The following NSD1 variants were observed in gnomAD, a reference collection of about 807,000 sequenced individuals.
NSD1 encodes the protein histone-lysine N-methyltransferase, H3 lysine-36 specific.
NSD1 carries 26 observed loss-of-function variants against 242.7 expected under a neutral mutation model. The ratio of observed to expected loss-of-function variants is 0.11; its 90% CI spans 0.08 to 0.15. The LOEUF (loss-of-function observed/expected upper bound fraction) is 0.15. Ranked by LOEUF, NSD1 falls within the 10% of genes least tolerant of loss-of-function variation. The pLI is 1.00. For synonymous variants in NSD1, 1,106 were observed against 1,178.1 expected, an observed-to-expected ratio of 0.94 and a Z score of 1.25; for missense variants, 2,495 against 3,272.8, an observed-to-expected ratio of 0.76 and a Z score of 5.80.
At chr5:177,264,957 C>CTG in intron 14 of NSD1, 2 of 922,414 alleles carry the variant, frequency 2.2e-6, no homozygotes, top group Non-Finnish European at 3.6e-6. Flanking sequence ...CTGGAAGAGT[C>CTG]TACAGTGTTA....
At chr5:177,266,022 T>C in intron 14 of NSD1, 7 of 1,034,970 alleles carry the variant, frequency 6.8e-6, no homozygotes, top group East Asian at 2.4e-5. Context: ...ATGCAAGATA[T>C]ATCGAAGCCA....
chr5:177,265,818 A>G (rs969165486), intron 14 of NSD1: 5 of 1,396,052 alleles, frequency 3.6e-6, no homozygotes, highest in Non-Finnish European at 5.1e-6. Flanking sequence ...CAGTGCGTAA[A>G]CTCGATGTTG....
At chr5:177,146,286 A>G (rs1414062909) in intron 2 of NSD1, among the ~76,000 whole-genome samples, 1 of 147,912 alleles carries the variant, frequency 6.8e-6, no homozygotes, top group Admixed American at 6.8e-5. Flanking sequence ...GCTCACTGCA[A>G]CCTCCACCTC....
In NSD1 at chr5:177,210,313, C is replaced by G. The variant is rs1763234304; in HGVS notation, c.1914C>G (p.Ile638Met). The change falls in exon 5 of 23, where the codon ATC becomes ATG. Residue 638 changes from isoleucine (I) to methionine (M), a missense_variant. Around this residue, in one of 19 missense-constraint regions of NSD1, gnomAD observed 515 missense variants for 467.0 expected, o/e 1.10. Coordinates refer to ENST00000439151, the MANE Select transcript of NSD1 (RefSeq NM_022455.5). ...DEEKRSDSISICTTSDDGSSD... is the reference protein window; with the variant it reads ...DEEKRSDSISMCTTSDDGSSD... ...AAAAGCGAAGTGATTCCATTAGTATCTGTACCACTTCTGATGATGGAAGCA... is the reference window on the plus strand; with the variant it reads ...AAAAGCGAAGTGATTCCATTAGTATGTGTACCACTTCTGATGATGGAAGCA... 2 of 1,613,708 alleles carry G rather than the reference C, an allele frequency of 1.2e-6. No homozygotes were observed. Among genetic ancestry groups the G allele is most frequent in the East Asian group, 2.2e-5 (1 of 44,876 alleles).
intron 12 of NSD1, 107 bp from the exon 13 acceptor site, chr5:177,256,844 C>A: frequency 1.1e-6 from 1 of 900,314 alleles, no homozygotes; most frequent in Non-Finnish European, 1.8e-6. Flanking sequence ...CAGACGATGT[C>A]AAACCGATCA....
intron 2 of NSD1, among the ~76,000 whole-genome samples, chr5:177,158,286 TTTCTTTC>T (rs200088279): frequency 0.015 from 1,294 of 87,048 alleles, 16 homozygotes; most frequent in East Asian, 0.061. Flanking sequence ...TCTTTCTTTC[TTTCTTTC>T]TTTCTTTCTT....
At chr5:177,146,314 T>C (rs1581122286) in intron 2 of NSD1, among the ~76,000 whole-genome samples, 1 of 144,240 alleles carries the variant, frequency 6.9e-6, no homozygotes, top group Admixed American at 6.8e-5. Flanking sequence ...CAAGCAATTC[T>C]CCTGCCTCAG....
At chr5:177,279,534 A>G (rs1227144919) in intron 17 of NSD1, among the ~76,000 whole-genome samples, 1 of 151,606 alleles carries the variant, frequency 6.6e-6, no homozygotes, top group Non-Finnish European at 1.5e-5. Context: ...ATTTTTTTGT[A>G]GCAGCAAATG....
chr5:177,140,850 T>C (rs975098655), intron 2 of NSD1, among the ~76,000 whole-genome samples: 3 of 152,122 alleles, frequency 2.0e-5, no homozygotes, highest in Non-Finnish European at 4.4e-5. Context: ...CTAAGGCTTA[T>C]AGTTTTGCTG....
chr5:177,262,946 C>T (rs1304101480), intron 14 of NSD1, among the ~76,000 whole-genome samples: 1 of 152,154 alleles, frequency 6.6e-6, no homozygotes, highest in Non-Finnish European at 1.5e-5. Flanking sequence ...TTTCACTGAG[C>T]CAGATTAAAT....
rs1002646615 is a variant in NSD1 at position 177,240,434 on chromosome 5, C to G, written c.4302+569C>G. On this transcript the variant is annotated intron_variant, in intron 8 of 22. Transcript: ENST00000439151. Reference sequence around the variant, plus strand: ...TTCAAGAAATCTAGTGTGATGGTGGCCGGGCGCAGTGGCTCATGCCTGTAA... The same window carrying G: ...TTCAAGAAATCTAGTGTGATGGTGGGCGGGCGCAGTGGCTCATGCCTGTAA... 2.6e-5 allele frequency among the ~76,000 whole-genome samples: 4 copies of G among 152,088 alleles called. No homozygotes were observed. In the East Asian group the frequency reaches 7.7e-4, roughly 29 times the overall value.
intron 12 of NSD1, among the ~76,000 whole-genome samples, chr5:177,254,187 T>C (rs956059348): frequency 1.2e-4 from 19 of 152,076 alleles, no homozygotes; most frequent in Admixed American, 1.1e-3. Flanking sequence ...CCTCAGGTGG[T>C]CCACTCTCCT....
chr5:177,259,607 G>GGA (rs926253906), intron 13 of NSD1, among the ~76,000 whole-genome samples: 73 of 152,324 alleles, frequency 4.8e-4, no homozygotes, highest in African/African-American at 1.7e-3. Context: ...TGTTTCCTCT[G>GGA]GAGAGGGTAG....
At chr5:177,179,225 T>G (rs1384154926) in intron 2 of NSD1, among the ~76,000 whole-genome samples, 1 of 151,902 alleles carries the variant, frequency 6.6e-6, no homozygotes, top group Non-Finnish European at 1.5e-5. Flanking sequence ...GTTTGTTTTG[T>G]TTTTTTTGAG....
chr5:177,152,087 C>T (rs1233857492), intron 2 of NSD1, among the ~76,000 whole-genome samples: 3 of 152,052 alleles, frequency 2.0e-5, no homozygotes, highest in East Asian at 3.9e-4. Context: ...GTCTCGTTCT[C>T]CTGACCTCAT....
chr5:177,175,878 T>G (rs1760152111), intron 2 of NSD1, among the ~76,000 whole-genome samples: 1 of 151,802 alleles, frequency 6.6e-6, no homozygotes, highest in Admixed American at 6.6e-5. Flanking sequence ...TTGCAAAAAT[T>G]CTTTTTTTTT....
intron 5 of NSD1, among the ~76,000 whole-genome samples, chr5:177,231,610 G>A (rs1356328407): frequency 1.3e-5 from 2 of 151,838 alleles, no homozygotes; most frequent in African/African-American, 2.4e-5. Flanking sequence ...TAGTAGAGAC[G>A]GGGTTTTTCC....
chr5:177,252,874 A>G (rs887353420), intron 12 of NSD1, among the ~76,000 whole-genome samples: 3 of 149,632 alleles, frequency 2.0e-5, no homozygotes, highest in Non-Finnish European at 4.4e-5. Context: ...GCTGAGGTAT[A>G]GATCTTATGC....
In NSD1 at chr5:177,210,166, T is replaced by C; in HGVS notation, c.1767T>C (p.Ser589=). The change falls in exon 5 of 23, where the codon TCT becomes TCC. Residue 589 remains serine (S), a synonymous_variant. Transcript: ENST00000439151. ...KKEFETSNGD[S]LLGLPEGALI... ...AATTTGAGACTTCAAATGGTGACTC[T>C]TTATTGGGCTTGCCTGAGGGTGCTT... 1 of 1,609,624 alleles carries C rather than the reference T, an allele frequency of 6.2e-7. No individual in the cohort carries two copies. Among genetic ancestry groups the C allele is most frequent in the Non-Finnish European group, 8.5e-7 (1 of 1,178,452 alleles).
Sources: allele counts gnomAD v4.1 joint callset (sites outside exome capture counted in the v4.1 genomes callset), GRCh38; gene constraint gnomAD v4.1.1; regional missense constraint gnomAD v4.1.1; transcripts MANE v1.5; gene names NCBI Gene and HGNC (gene_info 2026-07-23, HGNC 2026-07-21).